SNX29: variants seen among roughly 807,000 people sequenced by gnomAD.
SNX29 encodes the protein sorting nexin-29.
In SNX29, 78 loss-of-function variants were observed where a neutral mutation model predicts 102.1. That is an observed-to-expected ratio of 0.76 (90% CI 0.64 to 0.92). The LOEUF (loss-of-function observed/expected upper bound fraction) is 0.92. Among genes scored for constraint, SNX29 ranks in the 40% least tolerant of loss-of-function variants. The probability of loss-of-function intolerance (pLI) is 0.00; values close to 1 mark genes in which losing one functional copy is unlikely to be tolerated. For missense variants in SNX29, 1,280 were observed against 1,061.7 expected, an observed-to-expected ratio of 1.21 and a Z score of -2.86; for synonymous variants, 580 against 414.5, an observed-to-expected ratio of 1.40 and a Z score of -4.85.
At chr16:12,304,319 C>A (rs2080272366) in intron 15 of SNX29, among the ~76,000 whole-genome samples, 1 of 152,188 alleles carries the variant, frequency 6.6e-6, no homozygotes, top group African/African-American at 2.4e-5. Context: ...CACTCCCAGG[C>A]TGGAGCGCAA....
At position 12,037,373 on chromosome 16, in the gene SNX29, G is replaced by C. The variant is rs144697218; in HGVS notation, c.248-5524G>C. 5.2e-3 allele frequency among the ~76,000 whole-genome samples: 785 copies of C among 152,268 alleles called. 13 individuals are homozygous for C. The highest frequency in any genetic ancestry group is 0.017 in the African/African-American group (725 of 41,542). On this transcript the variant is annotated intron_variant, in intron 4 of 20. Coordinates refer to ENST00000566228, the MANE Select transcript of SNX29 (RefSeq NM_032167.5). The stretch of plus-strand genomic sequence containing the variant: ...TTTTCTGGTGGCTCTGGTAGAACTT[G>C]TGCGAAGAGACCCTGTGGTCCAGGG...
intron 18 of SNX29, among the ~76,000 whole-genome samples, chr16:12,439,345 G>T (rs373310951): frequency 1.3e-5 from 2 of 152,186 alleles, no homozygotes; most frequent in East Asian, 1.9e-4. Flanking sequence ...CTGATTTTCC[G>T]GTGTGGAGTC....
chr16:12,438,837 G>A (rs888214718), intron 18 of SNX29, among the ~76,000 whole-genome samples: 3 of 152,196 alleles, frequency 2.0e-5, no homozygotes, highest in African/African-American at 2.4e-5. Context: ...CTCAGGGAAG[G>A]TTCTGGGCTG....
At chr16:12,522,505 C>G (rs1226550097) in intron 19 of SNX29, among the ~76,000 whole-genome samples, 1 of 152,144 alleles carries the variant, frequency 6.6e-6, no homozygotes, top group Non-Finnish European at 1.5e-5. Flanking sequence ...GAATTGTAAT[C>G]CGCAGTGTTA....
At chr16:12,028,662 C>T (rs1461451937) in intron 4 of SNX29, among the ~76,000 whole-genome samples, 1 of 151,994 alleles carries the variant, frequency 6.6e-6, no homozygotes, top group Non-Finnish European at 1.5e-5. Flanking sequence ...CTGTGCCTGG[C>T]TCCAACAGTT....
At chr16:12,252,344 C>G (rs1052877586) in intron 14 of SNX29, among the ~76,000 whole-genome samples, 1 of 152,202 alleles carries the variant, frequency 6.6e-6, no homozygotes, top group Non-Finnish European at 1.5e-5. Context: ...GGTCTGGCCT[C>G]CCACCTGGCG....
intron 20 of SNX29, among the ~76,000 whole-genome samples, chr16:12,537,718 C>T (rs934241572): frequency 4.6e-5 from 7 of 152,088 alleles, no homozygotes; most frequent in Admixed American, 6.5e-5. Context: ...AAAAGGGAAG[C>T]AGAGTAGGTA....
At chr16:12,051,446 C>G (rs1012387522) in intron 7 of SNX29, among the ~76,000 whole-genome samples, 4 of 152,090 alleles carry the variant, frequency 2.6e-5, no homozygotes, top group Non-Finnish European at 5.9e-5. Context: ...GGGCATTGCA[C>G]AGGAATGGCA....
intron 18 of SNX29, among the ~76,000 whole-genome samples, 157 bp from the exon 19 acceptor site, chr16:12,477,562 A>G (rs1424248073): frequency 2.6e-5 from 4 of 152,218 alleles, no homozygotes; most frequent in Non-Finnish European, 5.9e-5. Context: ...GCTAGCACTA[A>G]TAAATCCCTG....
chr16:12,083,077 G>C (rs1378033815), intron 11 of SNX29, among the ~76,000 whole-genome samples: 1 of 151,996 alleles, frequency 6.6e-6, no homozygotes, highest in Non-Finnish European at 1.5e-5. Flanking sequence ...GCCGAGGTGG[G>C]GGGAATCACT....
chr16:12,557,927 C>T (rs1000320271), intron 20 of SNX29, among the ~76,000 whole-genome samples: 1 of 152,162 alleles, frequency 6.6e-6, no homozygotes, highest in African/African-American at 2.4e-5. Context: ...GGCAGGCAGG[C>T]TGCTATTTTC....
At chr16:12,138,955 C>G (rs551243868) in intron 13 of SNX29, among the ~76,000 whole-genome samples, 1 of 152,026 alleles carries the variant, frequency 6.6e-6, no homozygotes, top group African/African-American at 2.4e-5. Flanking sequence ...GTAATCCCAA[C>G]ACTTTGGGAG....
At chr16:12,170,091 T>C (rs954038654) in intron 13 of SNX29, among the ~76,000 whole-genome samples, 5 of 152,102 alleles carry the variant, frequency 3.3e-5, no homozygotes, top group Non-Finnish European at 7.3e-5. Context: ...CTCTGACTTC[T>C]AGATGCCAGG....
At chr16:12,153,177 C>T (rs1297889540) in intron 13 of SNX29, among the ~76,000 whole-genome samples, 5 of 152,142 alleles carry the variant, frequency 3.3e-5, no homozygotes, top group Admixed American at 6.5e-5. Flanking sequence ...GCAGGAAGAT[C>T]GCTTGAGCCC....
intron 11 of SNX29, among the ~76,000 whole-genome samples, chr16:12,102,336 T>G (rs1365111637): frequency 6.6e-6 from 1 of 152,212 alleles, no homozygotes; most frequent in Non-Finnish European, 1.5e-5. Flanking sequence ...CTTGAGGAAT[T>G]GCCACACTGT....
In SNX29 at chr16:12,273,353, TTTG is replaced by T. The variant is rs2079148589; in HGVS notation, c.1679-4571_1679-4569del. ...GTTTTTTGTTTTTTGTTTTTTTTTT[TTTG>T]TTGTTGTTTGTTTGTTTTTGAGATG... is the stretch of plus-strand genomic sequence containing the variant. On this transcript the variant is annotated intron_variant, in intron 14 of 20. Transcript: ENST00000566228. Among the ~76,000 whole-genome samples the T allele has an allele frequency of 1.3e-5, 2 of 151,562 alleles. 1 individual carries two copies. The highest frequency in any genetic ancestry group is 4.9e-5 in the African/African-American group (2 of 41,182).
chr16:12,012,932 G>GA (rs1567524767), intron 3 of SNX29, among the ~76,000 whole-genome samples: 1 of 147,970 alleles, frequency 6.8e-6, no homozygotes, highest in Admixed American at 6.9e-5. Flanking sequence ...TACCAATTGG[G>GA]AAAAAAGAAA....
chr16:12,255,219 T>C (rs1011821743), intron 14 of SNX29, among the ~76,000 whole-genome samples: 1 of 152,152 alleles, frequency 6.6e-6, no homozygotes, highest in East Asian at 1.9e-4. Flanking sequence ...TTTTTGAGAC[T>C]GAGTCTTGGT....
intron 19 of SNX29, among the ~76,000 whole-genome samples, chr16:12,511,282 T>C (rs937648336): frequency 1.1e-4 from 16 of 152,142 alleles, no homozygotes; most frequent in Admixed American, 1.0e-3. Context: ...TGAGCTCAGG[T>C]GTGGAACTCA....
Sources: gnomAD v4.1 joint callset for allele counts (sites outside exome capture counted in the v4.1 genomes callset) on GRCh38, gnomAD v4.1.1 for gene constraint, MANE v1.5 for transcripts, NCBI Gene and HGNC (gene_info 2026-07-23, HGNC 2026-07-21) for gene names.